The following HABP4 variants were observed in gnomAD, a reference collection of about 807,000 sequenced individuals.
The protein encoded by HABP4 is intracellular hyaluronan-binding protein 4.
HABP4 carries 32 observed loss-of-function variants against 44.1 expected under a neutral mutation model. The ratio of observed to expected loss-of-function variants is 0.73; its 90% CI spans 0.55 to 0.97. HABP4 has a LOEUF of 0.97. Ranked by LOEUF, HABP4 falls within the 50% of genes least tolerant of loss-of-function variation. HABP4 has a pLI of 0.00. For synonymous variants in HABP4, 216 were observed against 218.0 expected, an observed-to-expected ratio of 0.99 and a Z score of 0.08; for missense variants, 503 against 561.9, an observed-to-expected ratio of 0.90 and a Z score of 1.06.
At chr9:96,461,773 G>A (rs1832503562) in intron 2 of HABP4, among the ~76,000 whole-genome samples, 1 of 152,028 alleles carries the variant, frequency 6.6e-6, no homozygotes, top group African/African-American at 2.4e-5. Context: ...ACATGTATAG[G>A]TATTAAAGAA....
At chr9:96,453,282 G>T (rs1832319044) in intron 1 of HABP4, among the ~76,000 whole-genome samples, 1 of 151,826 alleles carries the variant, frequency 6.6e-6, no homozygotes, top group Admixed American at 6.6e-5. Context: ...GTTCATGTTG[G>T]CCAGGATGGT....
chr9:96,459,948 G>A (rs1832471194), intron 2 of HABP4, among the ~76,000 whole-genome samples: 1 of 152,144 alleles, frequency 6.6e-6, no homozygotes, highest in South Asian at 2.1e-4. Context: ...CTGCTGTGTA[G>A]TAAGCACAGT....
chr9:96,473,330 A>G (rs1013264552), intron 5 of HABP4, among the ~76,000 whole-genome samples: 4 of 152,140 alleles, frequency 2.6e-5, no homozygotes, highest in African/African-American at 4.8e-5. Flanking sequence ...TGTACAAACC[A>G]GAAACCTACG....
At chr9:96,467,240 C>T (rs1442901302) in intron 4 of HABP4, among the ~76,000 whole-genome samples, 1 of 152,030 alleles carries the variant, frequency 6.6e-6, no homozygotes, top group African/African-American at 2.4e-5. Flanking sequence ...AAGCTTTTTA[C>T]ATGAACTTAT....
At chr9:96,479,667 T>G (rs1159473435) in intron 5 of HABP4, among the ~76,000 whole-genome samples, 1 of 152,090 alleles carries the variant, frequency 6.6e-6, no homozygotes, top group Middle Eastern at 3.4e-3. Context: ...CCTGCCACCA[T>G]GCCCAGCTAA....
intron 5 of HABP4, among the ~76,000 whole-genome samples, chr9:96,482,514 A>T (rs1350943679): frequency 6.6e-6 from 1 of 152,116 alleles, no homozygotes; most frequent in Non-Finnish European, 1.5e-5. Flanking sequence ...TTTCAAATCT[A>T]CGATTTTAAT....
intron 4 of HABP4, among the ~76,000 whole-genome samples, chr9:96,469,364 G>A (rs1832656458): frequency 6.6e-6 from 1 of 152,078 alleles, no homozygotes; most frequent in South Asian, 2.1e-4. Flanking sequence ...TAAGTTTGAG[G>A]TCTGATTAAA....
intron 5 of HABP4, among the ~76,000 whole-genome samples, chr9:96,473,908 G>A (rs1832736905): frequency 6.6e-6 from 1 of 152,162 alleles, no homozygotes; most frequent in African/African-American, 2.4e-5. Flanking sequence ...TGAAATCCCA[G>A]CTCTGCCACT....
intron 1 of HABP4, among the ~76,000 whole-genome samples, chr9:96,457,165 G>A (rs537525776): frequency 6.6e-6 from 1 of 152,260 alleles, no homozygotes; most frequent in South Asian, 2.1e-4. Flanking sequence ...GGAGGCTGAG[G>A]AGACCAGCCT....
chr9:96,473,672 C>T (rs1002159746), intron 5 of HABP4, among the ~76,000 whole-genome samples: 2 of 152,210 alleles, frequency 1.3e-5, no homozygotes, highest in Non-Finnish European at 2.9e-5. Flanking sequence ...TCAGACATTC[C>T]TGTGCCTTCT....
rs898977695 is a variant in HABP4 at position 96,453,087 on chromosome 9, A to ATTT, written c.349+2479_349+2481dup. On this transcript the variant is annotated intron_variant, in intron 1 of 7. Transcript: ENST00000375249. The stretch of plus-strand genomic sequence containing the variant: ...AGGCATCTGCCACCATGCCCGGCTA[A>ATTT]TTTTTTTTTTTTTTTTTTTTTTGAG... 2.4e-3 allele frequency among the ~76,000 whole-genome samples: 220 copies of ATTT among 92,578 alleles called. 18 individuals are homozygous for ATTT. The highest frequency in any genetic ancestry group is 0.01 in the African/African-American group (211 of 20,954). 60.7% of individuals were successfully genotyped at this position (92,578 alleles called of 152,430 possible).
At chr9:96,489,903 C>G (rs919141065) in intron 7 of HABP4, 79 bp from the exon 8 acceptor site, 5 of 899,604 alleles carry the variant, frequency 5.6e-6, no homozygotes, top group Non-Finnish European at 9.5e-6. Flanking sequence ...GCGTTGGTGC[C>G]AGGCCCTTGT....
intron 4 of HABP4, among the ~76,000 whole-genome samples, chr9:96,466,626 A>G (rs575184397): frequency 2.0e-5 from 3 of 152,320 alleles, no homozygotes; most frequent in African/African-American, 7.2e-5. Flanking sequence ...TCATAAAATC[A>G]TTTGTAGATT....
Position 96,465,506 on chromosome 9 carries a change from T to C in HABP4, c.674+8T>C. 6.3e-7 allele frequency: 1 copy of C among 1,580,186 alleles called. No homozygotes were observed. Among genetic ancestry groups the C allele is most frequent in the Non-Finnish European group, 8.7e-7 (1 of 1,149,146 alleles). Reference sequence around the variant, plus strand: ...TGGTGGGAATGACAAAATGTAAGTTTCTTTGTAAATGCTATTTTCACTTTA... The same window carrying C: ...TGGTGGGAATGACAAAATGTAAGTTCCTTTGTAAATGCTATTTTCACTTTA... On this transcript the variant is annotated splice_region_variant and intron_variant, in intron 3 of 7. Coordinates refer to ENST00000375249, the MANE Select transcript of HABP4 (RefSeq NM_014282.4).
intron 1 of HABP4, among the ~76,000 whole-genome samples, chr9:96,453,703 T>C (rs919316414): frequency 1.3e-5 from 2 of 152,256 alleles, no homozygotes; most frequent in Admixed American, 1.3e-4. Flanking sequence ...CTGTAAATTT[T>C]ATTGTATTCT....
chr9:96,451,625 T>G (rs1394373553), intron 1 of HABP4: 6 of 192,482 alleles, frequency 3.1e-5, no homozygotes, highest in Non-Finnish European at 5.7e-5. Context: ...GTCTCAGGTT[T>G]AAGTATTAGG....
rs754561 is a variant in HABP4, at chr9:96,450,709, G to A, written c.349+81G>A. On this transcript the variant is annotated intron_variant, in intron 1 of 7. Coordinates refer to ENST00000375249, the MANE Select transcript of HABP4 (RefSeq NM_014282.4). The surrounding 1 kb of genome is among the most constrained non-coding windows in gnomAD (Gnocchi z 4.8). ...GTCCCGGGGGCCGGTTTCAGGAGGA[G>A]GGGCCCGGGAACAGTAGGGAGAGTT... The A allele has an allele frequency of 9.6e-3, 10,985 of 1,144,774 alleles. 835 individuals carry two copies. The African/African-American group carries it at 0.16, about 17-fold the overall frequency. 70.9% of individuals were successfully genotyped at this position (1,144,774 alleles called of 1,614,324 possible).
intron 1 of HABP4, among the ~76,000 whole-genome samples, chr9:96,452,027 A>T (rs1202694138): frequency 6.6e-6 from 1 of 152,126 alleles, no homozygotes; most frequent in Non-Finnish European, 1.5e-5. Flanking sequence ...GGAGATCGAG[A>T]CCATCCTGGC....
At chr9:96,489,319 C>T (rs1435058129) in intron 7 of HABP4, among the ~76,000 whole-genome samples, 1 of 152,134 alleles carries the variant, frequency 6.6e-6, no homozygotes, top group African/African-American at 2.4e-5. Flanking sequence ...GTTGGGAAAC[C>T]ACTCTGAGAT....
Sources: allele counts gnomAD v4.1 joint callset (sites outside exome capture counted in the v4.1 genomes callset), GRCh38; gene constraint gnomAD v4.1.1; non-coding constraint Gnocchi (gnomAD v3.1); transcripts MANE v1.5; gene names NCBI Gene and HGNC (gene_info 2026-07-23, HGNC 2026-07-21).